The following WWOX variants were observed in gnomAD, a reference collection of about 807,000 sequenced individuals.
WWOX encodes WW domain-containing oxidoreductase.
WWOX carries 69 observed loss-of-function variants against 46.2 expected under a neutral mutation model. The observed-to-expected ratio is 1.49, with a 90% CI of 1.23 to 1.82. The LOEUF is 1.82. WWOX is among the 40% of genes most tolerant of loss of function. The pLI is 0.00. For synonymous variants in WWOX, 359 were observed against 202.6 expected, an observed-to-expected ratio of 1.77 and a Z score of -6.56; for missense variants, 919 against 542.6, an observed-to-expected ratio of 1.69 and a Z score of -6.89.
intron 8 of WWOX, among the ~76,000 whole-genome samples, chr16:78,971,152 G>T (rs971528408): frequency 6.6e-6 from 1 of 151,890 alleles, no homozygotes; most frequent in South Asian, 2.1e-4. Flanking sequence ...CTGAGCAATC[G>T]CTGTGGTCAA....
chr16:78,535,502 A>G (rs909427781), intron 8 of WWOX: 3 of 152,082 alleles, frequency 2.0e-5, no homozygotes, highest in Non-Finnish European at 4.4e-5. Flanking sequence ...TCCCCCTCCC[A>G]TTACCTTGAA....
At chr16:78,474,710 C>G (rs1385340019) in intron 8 of WWOX, among the ~76,000 whole-genome samples, 1 of 150,830 alleles carries the variant, frequency 6.6e-6, no homozygotes, top group East Asian at 1.9e-4. Flanking sequence ...AGCCTGCACC[C>G]CATATTTTTT....
At chr16:78,859,188 G>A (rs536148135) in intron 8 of WWOX, among the ~76,000 whole-genome samples, 28 of 151,162 alleles carry the variant, frequency 1.9e-4, no homozygotes, top group African/African-American at 6.8e-4. Flanking sequence ...CAGAGAAGCA[G>A]GATGAAGGGG....
intron 5 of WWOX, among the ~76,000 whole-genome samples, chr16:78,222,225 T>C (rs778066386): frequency 2.0e-5 from 3 of 151,954 alleles, no homozygotes; most frequent in Non-Finnish European, 4.4e-5. Context: ...AGCTGTCTCC[T>C]GGGAAGTTTG....
chr16:79,036,320 C>T (rs766925257), intron 8 of WWOX, among the ~76,000 whole-genome samples: 2 of 152,204 alleles, frequency 1.3e-5, no homozygotes, highest in East Asian at 3.8e-4. Flanking sequence ...GCTGAAAAAT[C>T]GAAAACTCAT....
chr16:79,096,927 G>C (rs1488939727), intron 8 of WWOX, among the ~76,000 whole-genome samples: 1 of 152,162 alleles, frequency 6.6e-6, no homozygotes, highest in Non-Finnish European at 1.5e-5. Context: ...AGGGTCGGGT[G>C]GGGACATCTG....
At chr16:78,100,148 G>A (rs561101881) in intron 1 of WWOX, 1 of 1,316,736 alleles carries the variant, frequency 7.6e-7, no homozygotes, top group East Asian at 3.6e-5. Context: ...GGCGCGGCGA[G>A]GGCAAAGCGG....
chr16:78,330,975 T>C (rs1349359226), intron 5 of WWOX, among the ~76,000 whole-genome samples: 4 of 152,212 alleles, frequency 2.6e-5, no homozygotes, highest in Admixed American at 2.6e-4. Context: ...TCTGGAGCAG[T>C]CTATTTATTC....
At chr16:79,019,969 G>A (rs1394554885) in intron 8 of WWOX, among the ~76,000 whole-genome samples, 1 of 152,192 alleles carries the variant, frequency 6.6e-6, no homozygotes, top group Non-Finnish European at 1.5e-5. Context: ...TGATCAGTTA[G>A]CCTCTCACTT....
chr16:78,248,270 G>A (rs1312631416), intron 5 of WWOX, among the ~76,000 whole-genome samples: 1 of 152,138 alleles, frequency 6.6e-6, no homozygotes, highest in African/African-American at 2.4e-5. Context: ...CTCACATGGT[G>A]CAAACAGGAG....
chr16:78,441,052 C>G (rs2083434002), intron 8 of WWOX, among the ~76,000 whole-genome samples: 18 of 152,174 alleles, frequency 1.2e-4, no homozygotes, highest in Admixed American at 1.1e-3. Context: ...AAGCGATTCT[C>G]CTGTGTCAGC....
intron 4 of WWOX, among the ~76,000 whole-genome samples, chr16:78,161,938 G>C (rs535281216): frequency 4.6e-5 from 7 of 152,146 alleles, no homozygotes; most frequent in African/African-American, 1.7e-4. Flanking sequence ...TATTATTATT[G>C]ATATAGTAAT....
chr16:79,058,652 A>G lies in WWOX; in HGVS notation c.1057-152956A>G, dbSNP rs898704773. On this transcript the variant is annotated intron_variant, in intron 8 of 8. Coordinates refer to ENST00000566780, the MANE Select transcript of WWOX (RefSeq NM_016373.4). ...AGGAAAAAATTTCCTTGGATATGTG[A>G]TTTATATAATCAATCAACTAGTCCT... 2.9e-4 allele frequency among the ~76,000 whole-genome samples: 44 copies of G among 152,162 alleles called. 2 individuals carry two copies. The highest frequency in any genetic ancestry group is 1.5e-4 in the Non-Finnish European group (10 of 68,022).
intron 8 of WWOX, among the ~76,000 whole-genome samples, chr16:78,901,877 C>G (rs922416244): frequency 1.3e-5 from 2 of 152,236 alleles, no homozygotes; most frequent in Admixed American, 1.3e-4. Flanking sequence ...ACACGGGCCT[C>G]TCCTACAAAT....
intron 8 of WWOX, among the ~76,000 whole-genome samples, chr16:78,847,103 C>T (rs544819314): frequency 6.6e-6 from 1 of 152,288 alleles, no homozygotes; most frequent in East Asian, 1.9e-4. Context: ...TTTACACTGT[C>T]ATCTTGGACT....
At chr16:78,426,862 C>A (rs1008912165) in intron 7 of WWOX, among the ~76,000 whole-genome samples, 5 of 152,146 alleles carry the variant, frequency 3.3e-5, no homozygotes, top group Non-Finnish European at 7.3e-5. Context: ...CGGGGTTTCA[C>A]CATGTTGGCC....
At chr16:78,382,735 C>T (rs183155589) in intron 5 of WWOX, among the ~76,000 whole-genome samples, 1 of 152,064 alleles carries the variant, frequency 6.6e-6, no homozygotes, top group Non-Finnish European at 1.5e-5. Context: ...TGGAACAGTT[C>T]TATGTCTTGA....
chr16:78,452,624 C>T (rs562727164), intron 8 of WWOX, among the ~76,000 whole-genome samples: 1 of 148,936 alleles, frequency 6.7e-6, no homozygotes, highest in Admixed American at 6.7e-5. Flanking sequence ...TGTAGGCATG[C>T]ACTACCACAC....
chr16:79,086,804 C>T lies in WWOX; in HGVS notation c.1057-124804C>T, dbSNP rs76813351. ...AGGCTAAGGCAGGAGGACTGCTTCA[C>T]GCTGGGAGGTGAAGGATGCAGTGAA... On this transcript the variant is annotated intron_variant, in intron 8 of 8. Coordinates refer to ENST00000566780, the MANE Select transcript of WWOX (RefSeq NM_016373.4). 8.9e-3 allele frequency among the ~76,000 whole-genome samples: 1,348 copies of T among 152,314 alleles called. 33 individuals carry two copies. The highest frequency in any genetic ancestry group is 0.03 in the African/African-American group (1,261 of 41,566).
Sources: allele counts gnomAD v4.1 joint callset (sites outside exome capture counted in the v4.1 genomes callset), GRCh38; gene constraint gnomAD v4.1.1; transcripts MANE v1.5; gene names NCBI Gene and HGNC (gene_info 2026-07-23, HGNC 2026-07-21).